The following TBC1D4 variants were observed in gnomAD, a reference collection of about 807,000 sequenced individuals.
TBC1D4 encodes TBC (Tre-2, BUB2, CDC16) domain-containing protein.
In TBC1D4, 121 loss-of-function variants were observed where a neutral mutation model predicts 142.5. That is an observed-to-expected ratio of 0.85 (90% confidence interval 0.73 to 0.99). The LOEUF (loss-of-function observed/expected upper bound fraction) is 0.99, where lower values mean the gene tolerates loss of function less well. Ranked by LOEUF, TBC1D4 falls within the 50% of genes least tolerant of loss-of-function variation. The probability of loss-of-function intolerance (pLI) is 0.00; values close to 1 mark genes in which losing one functional copy is unlikely to be tolerated. For synonymous variants in TBC1D4, 630 were observed against 628.2 expected (o/e 1.00, Z -0.04); for missense variants, 1,475 against 1,606.6 (o/e 0.92, Z 1.40).
chr13:75,413,288 A>G (rs1885760209), intron 1 of TBC1D4, among the ~76,000 whole-genome samples: 1 of 151,910 alleles, frequency 6.6e-6, no homozygotes, highest in Non-Finnish European at 1.5e-5. Flanking sequence ...CAGCCTCCCG[A>G]GTAGCTGGGA....
At chr13:75,327,980 G>T (rs1322416290) in intron 8 of TBC1D4, among the ~76,000 whole-genome samples, 154 bp from the exon 9 acceptor site, 1 of 152,102 alleles carries the variant, frequency 6.6e-6, no homozygotes, top group Non-Finnish European at 1.5e-5. Context: ...AGTCATTACA[G>T]CACAGTAAAA....
At chr13:75,469,336 T>C (rs1593919813) in intron 1 of TBC1D4, among the ~76,000 whole-genome samples, 3 of 152,140 alleles carry the variant, frequency 2.0e-5, no homozygotes, top group East Asian at 3.9e-4. Context: ...CCTCTCCTAC[T>C]GCTCCATAAA....
Position 75,326,254 on chromosome 13 carries a change from C to T in TBC1D4, c.1976G>A (p.Gly659Glu). Residue 659 changes from glycine to glutamate, a missense_variant, in exon 10 of 21, where the codon GGG (glycine) becomes GAG (glutamate). This residue lies in a region of TBC1D4 where 1,227 missense variants were observed against 1,267.7 expected (regional missense o/e 0.97). Coordinates refer to ENST00000377636, the MANE Select transcript of TBC1D4 (RefSeq NM_014832.5). ...STKRKLNLQDGRAQGVRSPLL... is the reference protein window; with the variant it reads ...STKRKLNLQDERAQGVRSPLL... ...AGGGGAACGCACACCCTGAGCCCTC[C>T]CATCCTGCAAATTCAGCTTTCTCTT... 1 of 1,614,110 alleles carries T rather than the reference C, an allele frequency of 6.2e-7. No homozygotes were observed. Among genetic ancestry groups the T allele is most frequent in the Non-Finnish European group, 8.5e-7 (1 of 1,180,006 alleles).
At chr13:75,332,592 C>T (rs1440148903) in intron 8 of TBC1D4, among the ~76,000 whole-genome samples, 1 of 13,932 alleles carries the variant, frequency 7.2e-5, no homozygotes, top group African/African-American at 8.8e-5. Context: ...AATTACTGGA[C>T]CCCACCCCGA....
chr13:75,413,754 T>C (rs1199240156), intron 1 of TBC1D4, among the ~76,000 whole-genome samples: 1 of 152,182 alleles, frequency 6.6e-6, no homozygotes, highest in Non-Finnish European at 1.5e-5. Context: ...ATTCCAGTTA[T>C]ATGACCTGTA....
At chr13:75,304,721 G>A (rs1388949093) in intron 15 of TBC1D4, among the ~76,000 whole-genome samples, 1 of 152,102 alleles carries the variant, frequency 6.6e-6, no homozygotes, top group East Asian at 1.9e-4. Context: ...ACGGGCAGAG[G>A]AAAGGGCGGA....
At chr13:75,439,448 G>A (rs1425978819) in intron 1 of TBC1D4, among the ~76,000 whole-genome samples, 2 of 152,140 alleles carry the variant, frequency 1.3e-5, no homozygotes, top group Non-Finnish European at 2.9e-5. Context: ...CGGAGATACT[G>A]TATTAATTAC....
At chr13:75,445,639 T>C (rs1387136905) in intron 1 of TBC1D4, among the ~76,000 whole-genome samples, 2 of 152,180 alleles carry the variant, frequency 1.3e-5, no homozygotes, top group Non-Finnish European at 2.9e-5. Flanking sequence ...TGTTATCTGT[T>C]ACTGGTATAA....
At chr13:75,325,491 C>A (rs1220758539) in intron 10 of TBC1D4, among the ~76,000 whole-genome samples, 1 of 151,020 alleles carries the variant, frequency 6.6e-6, no homozygotes, top group Non-Finnish European at 1.5e-5. Flanking sequence ...AGAAGAGAAA[C>A]AAAATGAGTT....
chr13:75,422,662 A>C (rs1886217958), intron 1 of TBC1D4, among the ~76,000 whole-genome samples: 1 of 152,176 alleles, frequency 6.6e-6, no homozygotes, highest in Non-Finnish European at 1.5e-5. Flanking sequence ...TAGTGCCAGT[A>C]AGACTATGGA....
At chr13:75,445,328 G>A (rs1887229114) in intron 1 of TBC1D4, among the ~76,000 whole-genome samples, 1 of 152,160 alleles carries the variant, frequency 6.6e-6, no homozygotes, top group South Asian at 2.1e-4. Flanking sequence ...AATAATTAAT[G>A]TCTCAAAATA....
At chr13:75,393,116 TACACAC>T (rs34205789) in intron 1 of TBC1D4, among the ~76,000 whole-genome samples, 8,585 of 141,420 alleles carry the variant, frequency 0.061, 405 homozygotes, top group African/African-American at 0.14. Flanking sequence ...TAAATTAAAA[TACACAC>T]ACACACACAC....
chr13:75,287,641 G>GAAAAAGAAA lies in TBC1D4; in HGVS notation c.3664-617_3664-616insTTTCTTTTT, dbSNP rs528970139. Among the ~76,000 whole-genome samples, 16 of 150,358 alleles carry GAAAAAGAAA rather than the reference G, an allele frequency of 1.1e-4. No individual in the cohort carries two copies. In the South Asian group the frequency reaches 3.2e-3, roughly 30 times the overall value. On this transcript the variant is annotated intron_variant, in intron 20 of 20. Coordinates refer to ENST00000377636, the MANE Select transcript of TBC1D4 (RefSeq NM_014832.5). ...CCATTTAGTTTTCTTTTTGAAAATA[G>GAAAAAGAAA]AGTATGTTGCCCTTTTTTGAATAGA... is the stretch of plus-strand genomic sequence containing the variant.
At chr13:75,303,958 C>T (rs7337253) in intron 15 of TBC1D4, among the ~76,000 whole-genome samples, 2,458 of 152,218 alleles carry the variant, frequency 0.016, 70 homozygotes, top group African/African-American at 0.056. Flanking sequence ...TGAAGCTCTC[C>T]CTAACATCTC....
chr13:75,319,927 C>T, intron 12 of TBC1D4, 87 bp downstream of exon 12: 1 of 1,481,342 alleles, frequency 6.8e-7, no homozygotes, highest in Non-Finnish European at 9.3e-7. Flanking sequence ...AGGAGACAAA[C>T]AAAACTGCTT....
At chr13:75,331,405 C>T (rs912344043) in intron 8 of TBC1D4, among the ~76,000 whole-genome samples, 2 of 151,968 alleles carry the variant, frequency 1.3e-5, no homozygotes, top group African/African-American at 4.8e-5. Context: ...GAGGCTAAGG[C>T]GGGAAGACTG....
rs1455746520 is a variant in TBC1D4, at chr13:75,302,267, G to A, written c.2887C>T (p.Gln963Ter). The change falls in exon 16 of 21, where the codon CAG becomes TAG. Residue 963 changes from glutamine to a stop codon, truncating the protein, a stop_gained. Transcript: ENST00000377636. LOFTEE classifies it high-confidence loss of function. ...CCTAAATCCACGAGAATCGCATGCTGCTGAGCAGTGAGCTGCTTCAAAAGT... is the reference window on the plus strand; with the variant it reads ...CCTAAATCCACGAGAATCGCATGCTACTGAGCAGTGAGCTGCTTCAAAAGT... ...KELLKQLTAQ[Q>*]HAILVDLGRT... 3 of 1,614,190 alleles carry A rather than the reference G, an allele frequency of 1.9e-6. No homozygotes were observed. The highest frequency in any genetic ancestry group is 2.2e-5 in the South Asian group (2 of 91,086).
chr13:75,381,907 T>C (rs1028446241), intron 1 of TBC1D4, among the ~76,000 whole-genome samples: 38 of 152,232 alleles, frequency 2.5e-4, no homozygotes, highest in African/African-American at 8.7e-4. Context: ...TCTATGGAGA[T>C]AGATGGGAAA....
At position 75,366,776 on chromosome 13, in the gene TBC1D4, C is replaced by T. The variant is rs150500537; in HGVS notation, c.499-4169G>A. On this transcript the variant is annotated intron_variant, in intron 1 of 20. Transcript: ENST00000377636. Reference sequence around the variant, plus strand: ...TAGTTACTTAACATACTTCAAAAAACCCATTAACATTTTATAAACTACATT... The same window carrying T: ...TAGTTACTTAACATACTTCAAAAAATCCATTAACATTTTATAAACTACATT... The T allele has an allele frequency of 5.9e-4, 124 of 210,498 alleles. 2 individuals carry two copies. Among genetic ancestry groups the T allele is most frequent in the African/African-American group, 2.7e-3 (113 of 42,582 alleles). The allele number at this position is 210,498 out of a possible 1,614,324, so 13.0% of individuals were successfully genotyped here.
Sources: gnomAD v4.1 joint callset for allele counts (sites outside exome capture counted in the v4.1 genomes callset) on GRCh38, gnomAD v4.1.1 for gene constraint, gnomAD v4.1.1 regional missense constraint, MANE v1.5 for transcripts, NCBI Gene and HGNC (gene_info 2026-07-23, HGNC 2026-07-21) for gene names.